Variants in PAK3 observed in about 807,000 individuals in gnomAD.
PAK3 encodes serine/threonine-protein kinase PAK 3.
Under a neutral mutation model 41.0 loss-of-function variants are expected in PAK3, and 4 were observed. That is an observed-to-expected ratio of 0.10 (90% CI 0.05 to 0.22). The LOEUF is 0.22. Among genes scored for constraint, PAK3 ranks in the 10% least tolerant of loss-of-function variants. The probability of loss-of-function intolerance (pLI) is 1.00; values close to 1 mark genes in which losing one functional copy is unlikely to be tolerated. For missense variants in PAK3, 205 were observed against 409.9 expected (o/e 0.50, Z 4.32); for synonymous variants, 146 against 139.6 (o/e 1.05, Z -0.32).
chrX:111,118,428 T>C (rs1404002085), intron 4 of PAK3, among the ~76,000 whole-genome samples: 1 of 111,095 alleles, frequency 9.0e-6, no homozygotes, highest in African/African-American at 3.3e-5. Context: ...TGGATTTTGT[T>C]GCCCACCACC....
chrX:111,047,312 A>T (rs1356902459), intron 1 of PAK3, among the ~76,000 whole-genome samples: 1 of 111,762 alleles, frequency 8.9e-6, no homozygotes, highest in African/African-American at 3.3e-5. Context: ...CAAGCTCAAC[A>T]TGTTGTAAGA....
At chrX:111,166,939 A>G (rs2094263609) in intron 10 of PAK3, among the ~76,000 whole-genome samples, 1 of 111,889 alleles carries the variant, frequency 8.9e-6, no homozygotes, top group Non-Finnish European at 1.9e-5. Context: ...TACTAGCTGT[A>G]TGTCCTTAGT....
At chrX:111,122,246 A>G (rs1352478123) in intron 4 of PAK3, among the ~76,000 whole-genome samples, 1 of 81,478 alleles carries the variant, frequency 1.2e-5, no homozygotes, top group African/African-American at 5.1e-5. Context: ...ACAGGGTGAG[A>G]CTCCATCTGA....
At chrX:111,135,007 G>A (rs1004469961) in intron 5 of PAK3, among the ~76,000 whole-genome samples, 5 of 111,119 alleles carry the variant, frequency 4.5e-5, no homozygotes, top group Non-Finnish European at 9.4e-5. Context: ...GGCAATGGGG[G>A]AATATTGAAG....
In PAK3 at chrX:111,223,751, T is replaced by C. The variant is rs1009025846; in HGVS notation, c.*3304T>C. The C allele has an allele frequency of 1.8e-5, 2 of 111,381 alleles. No homozygotes were observed. The highest frequency in any genetic ancestry group is 3.8e-5 in the Non-Finnish European group (2 of 53,135). 9.2% of individuals were successfully genotyped at this position (111,381 alleles called of 1,213,427 possible). A position where few individuals can be genotyped will look rare whatever the true frequency, so the allele number is the denominator to read the frequency against. On this transcript the variant is annotated 3_prime_UTR_variant, in exon 18 of 18. Transcript: ENST00000372007. ...TTTCTCAGCTCAAAGATCGTGTAAA[T>C]AATTATATTCCTTTGCTCAATGGGT...
intron 1 of PAK3, among the ~76,000 whole-genome samples, chrX:111,042,136 G>T (rs750960014): frequency 8.9e-6 from 1 of 111,817 alleles, no homozygotes; most frequent in Non-Finnish European, 1.9e-5. Context: ...TTAACCCGGT[G>T]CCTGGTATAT....
At chrX:111,207,073 CGTGTGT>C (rs367846225) in intron 16 of PAK3, among the ~76,000 whole-genome samples, 23 of 97,379 alleles carry the variant, frequency 2.4e-4, no homozygotes, top group South Asian at 4.5e-4. Flanking sequence ...TAGATATATA[CGTGTGT>C]GTGTGTGTGT....
At chrX:111,054,584 GC>G (rs1255498831) in intron 1 of PAK3, among the ~76,000 whole-genome samples, 2 of 111,192 alleles carry the variant, frequency 1.8e-5, no homozygotes, top group African/African-American at 6.5e-5. Context: ...TTTTGGCCCT[GC>G]CCTCTTTGTT....
chrX:111,060,459 G>A (rs182261450), intron 1 of PAK3, among the ~76,000 whole-genome samples: 2 of 111,672 alleles, frequency 1.8e-5, no homozygotes, highest in Admixed American at 9.5e-5. Flanking sequence ...GTTAGGAAGC[G>A]TTCCCTCCTC....
chrX:111,215,987 C>T (rs1201052547), intron 16 of PAK3, among the ~76,000 whole-genome samples: 1 of 112,151 alleles, frequency 8.9e-6, no homozygotes, highest in African/African-American at 3.2e-5. Flanking sequence ...ACAAGATAAG[C>T]ACTTAGCAAA....
intron 17 of PAK3, among the ~76,000 whole-genome samples, 176 bp from the exon 18 acceptor site, chrX:111,220,182 G>A (rs1290498560): frequency 8.9e-6 from 1 of 111,966 alleles, no homozygotes; most frequent in East Asian, 2.8e-4. Flanking sequence ...AGGATTTCAT[G>A]ACAATGAAGT....
chrX:110,994,347 C>T (rs1021413172), intron 1 of PAK3, among the ~76,000 whole-genome samples: 5 of 111,732 alleles, frequency 4.5e-5, no homozygotes, highest in Middle Eastern at 9.3e-3. Context: ...GCCCTACTTT[C>T]GAGTGTGTTT....
At chrX:111,065,236 G>A (rs1313685344) in intron 1 of PAK3, among the ~76,000 whole-genome samples, 3 of 110,419 alleles carry the variant, frequency 2.7e-5, no homozygotes, top group Admixed American at 1.9e-4. Flanking sequence ...TTCCTTTAAT[G>A]CCTAGTTTGT....
intron 10 of PAK3, among the ~76,000 whole-genome samples, chrX:111,166,668 C>G (rs1036387549): frequency 3.6e-5 from 4 of 111,358 alleles, no homozygotes; most frequent in African/African-American, 1.3e-4. Context: ...TTAAGGGAGT[C>G]AGAAGGATCT....
intron 12 of PAK3, 49 bp from the exon 13 acceptor site, chrX:111,192,457 G>A (rs1162376438): frequency 2.9e-6 from 2 of 689,987 alleles, no homozygotes; most frequent in Non-Finnish European, 4.7e-6. Context: ...GAATATTCAT[G>A]TTTATTATAA....
At chrX:110,967,998 C>G (rs1033293635) in intron 1 of PAK3, among the ~76,000 whole-genome samples, 1 of 112,377 alleles carries the variant, frequency 8.9e-6, no homozygotes, top group African/African-American at 3.2e-5. Flanking sequence ...CTCCAACATT[C>G]CTTACCCTTG....
intron 1 of PAK3, among the ~76,000 whole-genome samples, chrX:110,960,964 C>T (rs2090966168): frequency 9.0e-6 from 1 of 111,548 alleles, no homozygotes; most frequent in Admixed American, 9.5e-5. Context: ...CTCCTAAATT[C>T]CATAGTGCAT....
chrX:111,181,887 A>G (rs954800553), intron 11 of PAK3, among the ~76,000 whole-genome samples: 10 of 111,375 alleles, frequency 9.0e-5, no homozygotes, highest in Non-Finnish European at 1.7e-4. Flanking sequence ...GAACGCTGCT[A>G]TGAAGCACTA....
At chrX:111,214,046 G>A (rs2094849351) in intron 16 of PAK3, among the ~76,000 whole-genome samples, 2 of 111,409 alleles carry the variant, frequency 1.8e-5, no homozygotes, top group South Asian at 7.6e-4. Flanking sequence ...ATGAGAGTTG[G>A]GGGAAAGGAA....
Sources: gnomAD v4.1 joint callset for allele counts (sites outside exome capture counted in the v4.1 genomes callset) on GRCh38, gnomAD v4.1.1 for gene constraint, MANE v1.5 for transcripts, NCBI Gene and HGNC (gene_info 2026-07-23, HGNC 2026-07-21) for gene names.